TSHZ3: variants seen among roughly 807,000 people sequenced by gnomAD.
TSHZ3 encodes teashirt zinc finger homeobox 3, also known as teashirt homolog 3.
Under a neutral mutation model 64.5 loss-of-function variants are expected in TSHZ3, and 10 were observed. The ratio of observed to expected loss-of-function variants is 0.16; its 90% CI spans 0.10 to 0.26. The LOEUF (loss-of-function observed/expected upper bound fraction) is 0.26. Ranked by LOEUF, TSHZ3 falls within the 10% of genes least tolerant of loss-of-function variation. The probability of loss-of-function intolerance (pLI) is 1.00; values close to 1 mark genes in which losing one functional copy is unlikely to be tolerated. For synonymous variants in TSHZ3, 608 were observed against 593.1 expected, an observed-to-expected ratio of 1.03 and a Z score of -0.36; for missense variants, 1,242 against 1,421.7, an observed-to-expected ratio of 0.87 and a Z score of 2.03.
At chr19:31,303,655 T>G (rs1468156837) in intron 1 of TSHZ3, among the ~76,000 whole-genome samples, 1 of 152,088 alleles carries the variant, frequency 6.6e-6, no homozygotes, top group Non-Finnish European at 1.5e-5. Context: ...CTGTTGGCAT[T>G]TCTTCCCAGC....
chr19:31,181,809 A>T (rs1471084231), intron 5 of TSHZ3, among the ~76,000 whole-genome samples: 1 of 152,186 alleles, frequency 6.6e-6, no homozygotes, highest in Non-Finnish European at 1.5e-5. Flanking sequence ...CAATATTTTC[A>T]GCCAATTTCA....
chr19:31,244,167 C>T (rs1176108356), intron 1 of TSHZ3, among the ~76,000 whole-genome samples: 3 of 152,066 alleles, frequency 2.0e-5, no homozygotes, highest in Non-Finnish European at 4.4e-5. Context: ...AATTGTAATG[C>T]CCAGTGTTGG....
intron 1 of TSHZ3, among the ~76,000 whole-genome samples, chr19:31,302,554 A>G (rs1460362643): frequency 6.6e-6 from 1 of 152,178 alleles, no homozygotes; most frequent in Admixed American, 6.5e-5. Context: ...TTTGTTTTCT[A>G]AAATCTGTCT....
intron 1 of TSHZ3, among the ~76,000 whole-genome samples, chr19:31,339,406 C>A (rs538686255): frequency 6.6e-6 from 1 of 152,166 alleles, no homozygotes; most frequent in East Asian, 1.9e-4. Flanking sequence ...CAGGCTCTAC[C>A]CCCTTCTCCC....
chr19:31,196,739 G>A (rs1974999429), intron 5 of TSHZ3, among the ~76,000 whole-genome samples: 1 of 151,934 alleles, frequency 6.6e-6, no homozygotes, highest in Non-Finnish European at 1.5e-5. Flanking sequence ...TAATGATGAA[G>A]GAGTCAATTC....
At chr19:31,283,136 C>G (rs988811105) in intron 1 of TSHZ3, among the ~76,000 whole-genome samples, 20 of 152,188 alleles carry the variant, frequency 1.3e-4, no homozygotes, top group Middle Eastern at 3.4e-3. Context: ...AGTTTGAGAC[C>G]ACCTTCGGCA....
intron 1 of TSHZ3, among the ~76,000 whole-genome samples, chr19:31,294,256 C>CA (rs1976625233): frequency 6.6e-6 from 1 of 152,178 alleles, no homozygotes; most frequent in South Asian, 2.1e-4. Flanking sequence ...CCAGCATTGA[C>CA]ACAGTATTCA....
At chr19:31,163,437 A>G (rs1052798475) in intron 5 of TSHZ3, among the ~76,000 whole-genome samples, 2 of 152,204 alleles carry the variant, frequency 1.3e-5, no homozygotes, top group Non-Finnish European at 2.9e-5. Flanking sequence ...ATGCTTTAAA[A>G]GATGACTATG....
At chr19:31,306,585 A>ATGTG (rs1916305227) in intron 1 of TSHZ3, among the ~76,000 whole-genome samples, 2 of 151,734 alleles carry the variant, frequency 1.3e-5, no homozygotes, top group South Asian at 2.1e-4. Flanking sequence ...GTGTGTGTGT[A>ATGTG]TGTGTGTGTG....
At chr19:31,203,191 G>A (rs562713198) in intron 5 of TSHZ3, among the ~76,000 whole-genome samples, 1 of 152,282 alleles carries the variant, frequency 6.6e-6, no homozygotes, top group South Asian at 2.1e-4. Context: ...GCAACTAGCT[G>A]GTGGAAGGGC....
At chr19:31,157,722 C>T (rs374693752) in intron 5 of TSHZ3, among the ~76,000 whole-genome samples, 9 of 152,192 alleles carry the variant, frequency 5.9e-5, no homozygotes, top group Non-Finnish European at 1.3e-4. Flanking sequence ...TGATTCTAAT[C>T]GCCTATGGGA....
intron 1 of TSHZ3, among the ~76,000 whole-genome samples, chr19:31,247,522 C>T (rs1457954116): frequency 1.3e-5 from 2 of 152,154 alleles, no homozygotes; most frequent in African/African-American, 2.4e-5. Flanking sequence ...TCAAAAACGT[C>T]AGTGTCATGG....
intron 1 of TSHZ3, among the ~76,000 whole-genome samples, chr19:31,283,775 C>A (rs1417511996): frequency 6.6e-6 from 1 of 152,244 alleles, no homozygotes; most frequent in African/African-American, 2.4e-5. Flanking sequence ...TCTGTGCTTT[C>A]TTCTCTAGAC....
chr19:31,289,974 C>T (rs192776769), intron 1 of TSHZ3, among the ~76,000 whole-genome samples: 58 of 151,314 alleles, frequency 3.8e-4, no homozygotes, highest in Admixed American at 2.2e-3. Flanking sequence ...GTGCCTTACA[C>T]GCTGTGCCCC....
chr19:31,198,964 A>G (rs999736587), intron 5 of TSHZ3, among the ~76,000 whole-genome samples: 6 of 152,356 alleles, frequency 3.9e-5, no homozygotes, highest in African/African-American at 1.2e-4. Context: ...GGCCCACAAT[A>G]GCCAACATAA....
chr19:31,306,516 C>G (rs993077853), intron 1 of TSHZ3, among the ~76,000 whole-genome samples: 2 of 152,162 alleles, frequency 1.3e-5, no homozygotes, highest in Non-Finnish European at 1.5e-5. Context: ...AGAGGGCACA[C>G]GTGCACGTGC....
At chr19:31,219,860 G>A (rs1975376710) in intron 4 of TSHZ3, among the ~76,000 whole-genome samples, 1 of 150,002 alleles carries the variant, frequency 6.7e-6, no homozygotes, top group Non-Finnish European at 1.5e-5. Flanking sequence ...GAATATATCT[G>A]GAATGTGTAT....
chr19:31,341,395 G>T (rs1917428929), intron 1 of TSHZ3, among the ~76,000 whole-genome samples: 1 of 152,038 alleles, frequency 6.6e-6, no homozygotes, highest in African/African-American at 2.4e-5. Flanking sequence ...AGGCCTGATG[G>T]GGTGGGAGTG....
At chr19:31,171,909 C>T (rs904302393) in intron 5 of TSHZ3, among the ~76,000 whole-genome samples, 6 of 152,282 alleles carry the variant, frequency 3.9e-5, no homozygotes, top group South Asian at 2.1e-4. Flanking sequence ...ATCTTCTCCC[C>T]GCTCAGGTAT....
Sources: allele counts gnomAD v4.1 joint callset (sites outside exome capture counted in the v4.1 genomes callset), GRCh38; gene constraint gnomAD v4.1.1; transcripts MANE v1.5; gene names NCBI Gene and HGNC (gene_info 2026-07-23, HGNC 2026-07-21).